The following LPA variants were observed in gnomAD, a reference collection of about 807,000 sequenced individuals.
LPA encodes apolipoprotein(a).
A neutral mutation model predicts 197.9 loss-of-function variants in LPA; 199 were observed. That is an observed-to-expected ratio of 1.01 (90% CI 0.90 to 1.13). The LOEUF is 1.13. LPA is among the 50% of genes most tolerant of loss of function. LPA has a pLI of 0.00. For synonymous variants in LPA, 715 were observed against 639.5 expected (o/e 1.12, Z -1.78); for missense variants, 1,853 against 1,785.8 (o/e 1.04, Z -0.68).
Position 160,654,011 on chromosome 6 carries a change from AT to A in LPA, c.50-3515del, listed in dbSNP as rs1562354752. Among the ~76,000 whole-genome samples the A allele has an allele frequency of 1.4e-3, 12 of 8,324 alleles. 3 individuals carry two copies. The highest frequency in any genetic ancestry group is 2.1e-3 in the Non-Finnish European group (11 of 5,176). 5.5% of individuals were successfully genotyped at this position (8,324 alleles called of 152,430 possible). The stretch of plus-strand genomic sequence containing the variant: ...ATAATATATATTATATATAATATAT[AT>A]TATATATAATATATAATATATATTA... On this transcript the variant is annotated intron_variant, in intron 1 of 38. Transcript: ENST00000316300.
At chr6:160,635,601 T>G (rs1291250733) in intron 6 of LPA, among the ~76,000 whole-genome samples, 7 of 124,876 alleles carry the variant, frequency 5.6e-5, no homozygotes, top group Admixed American at 4.4e-4. Flanking sequence ...CAGAGTATTC[T>G]CCTTCTGCCT....
chr6:160,567,452 C>CA (rs1228035901), intron 28 of LPA, among the ~76,000 whole-genome samples: 1 of 152,134 alleles, frequency 6.6e-6, no homozygotes, highest in East Asian at 1.9e-4. Flanking sequence ...CCAATGACAA[C>CA]AAAGACACAA....
At chr6:160,653,957 T>A (rs1285666317) in intron 1 of LPA, among the ~76,000 whole-genome samples, 6 of 42,718 alleles carry the variant, frequency 1.4e-4, no homozygotes, top group Non-Finnish European at 2.4e-4. Context: ...ATATTATATA[T>A]AATATATATT....
At chr6:160,600,753 C>T (rs1779221940) in intron 19 of LPA, among the ~76,000 whole-genome samples, 164 bp downstream of exon 19, 1 of 152,130 alleles carries the variant, frequency 6.6e-6, no homozygotes, top group Non-Finnish European at 1.5e-5. Context: ...AAAAATCACA[C>T]CTCTGGCTCC....
At position 160,591,208 on chromosome 6, in the gene LPA, A is replaced by G; in HGVS notation, c.3630-107T>C. ...CAAAGTGGTAAAAAGTGACTTTGAA[A>G]TATTCTCACTAAAGGTCCTGTAACA... On this transcript the variant is annotated intron_variant, in intron 22 of 38. Coordinates refer to ENST00000316300, the MANE Select transcript of LPA (RefSeq NM_005577.4). The G allele has an allele frequency of 4.3e-6, 6 of 1,380,500 alleles. No individual in the cohort carries two copies. In the South Asian group the frequency reaches 6.1e-5, roughly 14 times the overall value. 85.5% of individuals were successfully genotyped at this position (1,380,500 alleles called of 1,614,324 possible).
rs796762170 is a variant in LPA at position 160,576,395 on chromosome 6, T to C, written c.4631+741A>G. 2.5e-3 allele frequency among the ~76,000 whole-genome samples: 88 copies of C among 35,628 alleles called. 2 individuals are homozygous for C. The highest frequency in any genetic ancestry group is 9.0e-3 in the Admixed American group (24 of 2,680). 23.4% of individuals were successfully genotyped at this position (35,628 alleles called of 152,430 possible). ...ATATATATATATATATATATGTATA[T>C]ATATATATATATATATATATGGGTA... On this transcript the variant is annotated intron_variant, in intron 28 of 38. Transcript: ENST00000316300.
At chr6:160,646,860 G>T (rs6905073) in intron 2 of LPA, among the ~76,000 whole-genome samples, 56,752 of 150,254 alleles carry the variant, frequency 0.38, 11,504 homozygotes, top group African/African-American at 0.45. Flanking sequence ...CGAACATGTA[G>T]TTCTTCAGAG....
At chr6:160,557,178 A>C (rs1778278029) in intron 29 of LPA, among the ~76,000 whole-genome samples, 1 of 152,010 alleles carries the variant, frequency 6.6e-6, no homozygotes, top group Non-Finnish European at 1.5e-5. Context: ...GTGGTAAGTC[A>C]AGTGCCCAGG....
At chr6:160,641,041 T>C (rs529207266) in intron 4 of LPA, among the ~76,000 whole-genome samples, 193 bp from the exon 5 acceptor site, 2 of 138,938 alleles carry the variant, frequency 1.4e-5, no homozygotes, top group African/African-American at 2.9e-5. Flanking sequence ...TCATACTTAA[T>C]AGATTATTAC....
intron 30 of LPA, among the ~76,000 whole-genome samples, chr6:160,553,954 T>TGTGTGTGTGTGTGCGTGC (rs771903485): frequency 7.6e-6 from 1 of 130,748 alleles, no homozygotes; most frequent in African/African-American, 3.0e-5. Flanking sequence ...TGTGTGTGTG[T>TGTGTGTGTGTGTGCGTGC]GCGCGCGCGC....
intron 1 of LPA, among the ~76,000 whole-genome samples, chr6:160,655,095 G>A (rs768236850): frequency 9.2e-5 from 14 of 152,290 alleles, no homozygotes; most frequent in East Asian, 1.9e-4. Flanking sequence ...ATGAAATGCC[G>A]CTGTGCTGAC....
In LPA at chr6:160,595,620, A is replaced by T. The variant is rs915964926; in HGVS notation, c.3288-85T>A. 3.8e-6 allele frequency: 6 copies of T among 1,592,708 alleles called. No homozygotes were observed. The African/African-American group carries it at 6.7e-5, about 18-fold the overall frequency. On this transcript the variant is annotated intron_variant, in intron 20 of 38. Transcript: ENST00000316300. ...CGCCCTCTACATTTTGCTGTAACAA[A>T]GTGTAAAAAGAGACTTTGAAATATT...
At chr6:160,535,310 T>C (rs1777873075) in intron 37 of LPA, among the ~76,000 whole-genome samples, 1 of 147,528 alleles carries the variant, frequency 6.8e-6, no homozygotes, top group Non-Finnish European at 1.5e-5. Flanking sequence ...GTGGTAATGT[T>C]AATGGTGATG....
At chr6:160,546,263 C>T (rs1778069636) in intron 32 of LPA, among the ~76,000 whole-genome samples, 1 of 152,124 alleles carries the variant, frequency 6.6e-6, no homozygotes, top group East Asian at 1.9e-4. Context: ...ATGATGTAAT[C>T]AACTGTGCCT....
chr6:160,605,810 C>G (rs1475989195), intron 17 of LPA, among the ~76,000 whole-genome samples: 5 of 152,168 alleles, frequency 3.3e-5, no homozygotes, highest in African/African-American at 1.2e-4. Context: ...AGATGAAATC[C>G]TCTCATGACC....
intron 1 of LPA, among the ~76,000 whole-genome samples, chr6:160,653,875 T>G (rs1451692537): frequency 9.0e-6 from 1 of 111,364 alleles, no homozygotes; most frequent in East Asian, 2.5e-4. Flanking sequence ...TAAATGAGAT[T>G]AATGACATAA....
chr6:160,584,240 C>CT (rs1562331296), intron 26 of LPA, among the ~76,000 whole-genome samples: 1,323 of 60,354 alleles, frequency 0.022, 4 homozygotes, highest in Non-Finnish European at 0.022. Flanking sequence ...CTTCTTCTTC[C>CT]TCCTCCTCCT....
intron 1 of LPA, among the ~76,000 whole-genome samples, chr6:160,654,006 T>TTAATATA (rs1780066443): frequency 5.2e-4 from 3 of 5,734 alleles, no homozygotes; most frequent in Non-Finnish European, 9.5e-4. Flanking sequence ...TTATATATAA[T>TTAATATA]ATATATTATA....
chr6:160,573,732 G>T (rs919987021), intron 28 of LPA, among the ~76,000 whole-genome samples: 1 of 152,146 alleles, frequency 6.6e-6, no homozygotes, highest in Non-Finnish European at 1.5e-5. Context: ...CCCAGCTCTG[G>T]GCTGGTACTG....
Sources: gnomAD v4.1 joint callset for allele counts (sites outside exome capture counted in the v4.1 genomes callset) on GRCh38, gnomAD v4.1.1 for gene constraint, MANE v1.5 for transcripts, NCBI Gene and HGNC (gene_info 2026-07-23, HGNC 2026-07-21) for gene names.